The following LRRC4C variants were observed in gnomAD, a reference collection of about 807,000 sequenced individuals.
LRRC4C encodes the protein leucine rich repeat containing 4C, also known as leucine-rich repeat-containing protein 4C.
In LRRC4C, 5 loss-of-function variants were observed where a neutral mutation model predicts 33.6. The observed-to-expected ratio is 0.15, with a 90% CI of 0.08 to 0.31. The LOEUF (loss-of-function observed/expected upper bound fraction) is 0.31. LRRC4C is among the 10% of genes least tolerant of loss of function. LRRC4C has a pLI of 1.00. For missense variants in LRRC4C, 560 were observed against 796.7 expected (o/e 0.70, Z 3.58); for synonymous variants, 329 against 302.0 (o/e 1.09, Z -0.93).
intron 2 of LRRC4C, among the ~76,000 whole-genome samples, chr11:40,763,503 T>A (rs983897678): frequency 1.3e-5 from 2 of 152,128 alleles, no homozygotes; most frequent in Non-Finnish European, 2.9e-5. Context: ...CCAAAAATCA[T>A]GTGAGTGATC....
At chr11:40,789,485 A>G (rs1950546047) in intron 2 of LRRC4C, among the ~76,000 whole-genome samples, 2 of 152,168 alleles carry the variant, frequency 1.3e-5, no homozygotes, top group Admixed American at 1.3e-4. Context: ...AACTTCTTAA[A>G]CATATCTTTC....
chr11:40,743,198 T>A (rs1948246253), intron 2 of LRRC4C, among the ~76,000 whole-genome samples: 1 of 152,100 alleles, frequency 6.6e-6, no homozygotes, highest in African/African-American at 2.4e-5. Flanking sequence ...TTAAAAATGA[T>A]ATCAACAGTG....
intron 1 of LRRC4C, among the ~76,000 whole-genome samples, chr11:41,413,189 G>C (rs1465686674): frequency 6.6e-6 from 1 of 152,060 alleles, no homozygotes; most frequent in Non-Finnish European, 1.5e-5. Flanking sequence ...TTCATACAAG[G>C]AATGGAAAAA....
At chr11:41,262,727 T>C (rs532903983) in intron 1 of LRRC4C, among the ~76,000 whole-genome samples, 12 of 152,114 alleles carry the variant, frequency 7.9e-5, no homozygotes, top group Non-Finnish European at 1.6e-4. Flanking sequence ...TTGCAGGTTT[T>C]CTGGAAATGT....
At chr11:40,118,203 A>G in intron 6 of LRRC4C, among the ~76,000 whole-genome samples, 1 of 148,360 alleles carries the variant, frequency 6.7e-6, no homozygotes. Flanking sequence ...ATTTATAAGT[A>G]TGAAATAACA....
At chr11:40,756,655 T>G (rs1565020528) in intron 2 of LRRC4C, among the ~76,000 whole-genome samples, 1 of 152,038 alleles carries the variant, frequency 6.6e-6, no homozygotes, top group Non-Finnish European at 1.5e-5. Context: ...ACCTCAAAAG[T>G]TAAACTGGTC....
intron 1 of LRRC4C, among the ~76,000 whole-genome samples, chr11:40,952,416 C>T (rs918542781): frequency 4.6e-5 from 7 of 151,920 alleles, no homozygotes; most frequent in African/African-American, 1.7e-4. Context: ...TGAAATGACA[C>T]TAATTTAGAA....
intron 2 of LRRC4C, among the ~76,000 whole-genome samples, chr11:40,827,613 T>G (rs1367898319): frequency 1.3e-5 from 2 of 151,698 alleles, no homozygotes; most frequent in African/African-American, 4.8e-5. Flanking sequence ...TATGGGCCCT[T>G]AGAGAAAAGT....
intron 1 of LRRC4C, among the ~76,000 whole-genome samples, chr11:41,081,917 A>G (rs1044049347): frequency 2.6e-5 from 4 of 152,302 alleles, no homozygotes; most frequent in Middle Eastern, 3.4e-3. Context: ...GCTCTGGGAT[A>G]GATGTATTTA....
At position 41,232,337 on chromosome 11, in the gene LRRC4C, G is replaced by A. The variant is rs117806622; in HGVS notation, c.-496+227094C>T. Among the ~76,000 whole-genome samples the A allele has an allele frequency of 5.8e-3, 879 of 152,082 alleles. 10 individuals are homozygous for A. The highest frequency in any genetic ancestry group is 9.4e-3 in the Non-Finnish European group (638 of 67,968). On this transcript the variant is annotated intron_variant, in intron 1 of 6. Transcript: ENST00000528697. ...GACTAGATAATTCTTTGTTGTCTGA[G>A]CTGTACTGTGTATTACTGGATATTT... is the stretch of plus-strand genomic sequence containing the variant.
intron 5 of LRRC4C, among the ~76,000 whole-genome samples, chr11:40,207,594 T>C (rs1488537694): frequency 6.6e-6 from 1 of 152,122 alleles, no homozygotes; most frequent in African/African-American, 2.4e-5. Context: ...CAGAGTGAGA[T>C]ACTGTCTCAA....
chr11:40,471,461 T>C (rs1284998800), intron 3 of LRRC4C, among the ~76,000 whole-genome samples: 2 of 152,102 alleles, frequency 1.3e-5, no homozygotes, highest in African/African-American at 2.4e-5. Flanking sequence ...ATTGACACTA[T>C]GAAGAAACTG....
chr11:40,994,400 C>T (rs764160924), intron 1 of LRRC4C, among the ~76,000 whole-genome samples: 12 of 152,094 alleles, frequency 7.9e-5, no homozygotes, highest in Non-Finnish European at 1.3e-4. Flanking sequence ...TGAACTGTAG[C>T]TAATGGGGGA....
At chr11:41,203,575 C>T (rs1946483505) in intron 1 of LRRC4C, among the ~76,000 whole-genome samples, 1 of 152,116 alleles carries the variant, frequency 6.6e-6, no homozygotes. Flanking sequence ...TAGCTACTGC[C>T]ATTGAGAGAG....
At chr11:41,047,828 G>C (rs1288362446) in intron 1 of LRRC4C, among the ~76,000 whole-genome samples, 2 of 151,924 alleles carry the variant, frequency 1.3e-5, no homozygotes, top group Admixed American at 6.6e-5. Flanking sequence ...TTCCCTCCTT[G>C]TATACTTTCT....
chr11:40,526,841 T>C (rs1565474865), intron 3 of LRRC4C, among the ~76,000 whole-genome samples: 1 of 152,176 alleles, frequency 6.6e-6, no homozygotes, highest in Non-Finnish European at 1.5e-5. Context: ...ATATAATGAA[T>C]ACAGTAACTG....
intron 2 of LRRC4C, among the ~76,000 whole-genome samples, chr11:40,849,016 C>T (rs772231817): frequency 1.9e-4 from 29 of 152,112 alleles, no homozygotes; most frequent in Non-Finnish European, 3.5e-4. Context: ...TCCTCTATCC[C>T]TTTATTTTGA....
At chr11:40,247,144 A>G (rs1399884054) in intron 4 of LRRC4C, among the ~76,000 whole-genome samples, 1 of 151,530 alleles carries the variant, frequency 6.6e-6, no homozygotes, top group Non-Finnish European at 1.5e-5. Flanking sequence ...TTAAATATGG[A>G]CCTTTTTAAA....
At chr11:40,249,386 C>G (rs964182794) in intron 4 of LRRC4C, among the ~76,000 whole-genome samples, 5 of 151,812 alleles carry the variant, frequency 3.3e-5, no homozygotes, top group Non-Finnish European at 7.4e-5. Flanking sequence ...TTAAATTAGT[C>G]TCATTTCCCA....
Sources: allele counts gnomAD v4.1 joint callset (sites outside exome capture counted in the v4.1 genomes callset), GRCh38; gene constraint gnomAD v4.1.1; transcripts MANE v1.5; gene names NCBI Gene and HGNC (gene_info 2026-07-23, HGNC 2026-07-21).